RTTN: variants seen among roughly 807,000 people sequenced by gnomAD.
The protein encoded by RTTN is rotatin.
A neutral mutation model predicts 269.2 loss-of-function variants in RTTN; 182 were observed. That is an observed-to-expected ratio of 0.68 (90% CI 0.60 to 0.76). RTTN has a LOEUF of 0.76. RTTN is among the 30% of genes least tolerant of loss of function. The probability of loss-of-function intolerance (pLI) is 0.00; values close to 1 mark genes in which losing one functional copy is unlikely to be tolerated. For synonymous variants in RTTN, 1,006 were observed against 963.5 expected (o/e 1.04, Z -0.82); for missense variants, 2,545 against 2,608.6 (o/e 0.98, Z 0.53).
chr18:70,024,360 T>C (rs1326897233), intron 44 of RTTN, among the ~76,000 whole-genome samples: 2 of 152,202 alleles, frequency 1.3e-5, no homozygotes, highest in African/African-American at 4.8e-5. Flanking sequence ...ACTTTCAACA[T>C]GCCAGTCTCC....
intron 45 of RTTN, 38 bp from the exon 46 acceptor site, chr18:70,017,712 C>A (rs1568245276): frequency 1.3e-6 from 2 of 1,539,772 alleles, no homozygotes; most frequent in South Asian, 1.3e-5. Context: ...TTCTTCTCAT[C>A]TTTTTCATTA....
chr18:70,086,851 G>T (rs1568355006), intron 31 of RTTN, among the ~76,000 whole-genome samples, 167 bp from the exon 32 acceptor site: 1 of 151,710 alleles, frequency 6.6e-6, no homozygotes, highest in Non-Finnish European at 1.5e-5. Context: ...TTGTCAAACT[G>T]TATTTCTTGT....
chr18:70,176,227 GTA>G (rs1210008851), intron 11 of RTTN, among the ~76,000 whole-genome samples: 3 of 151,208 alleles, frequency 2.0e-5, no homozygotes, highest in East Asian at 3.9e-4. Flanking sequence ...ATATGTATAT[GTA>G]TATGTATATG....
intron 31 of RTTN, among the ~76,000 whole-genome samples, chr18:70,086,908 A>T (rs2058717001): frequency 6.6e-6 from 1 of 152,202 alleles, no homozygotes; most frequent in Non-Finnish European, 1.5e-5. Flanking sequence ...TAATGACCTA[A>T]CAGCATATGA....
At position 70,020,821 on chromosome 18, in the gene RTTN, C is replaced by G; in HGVS notation, c.5951-4G>C. 6.2e-7 allele frequency: 1 copy of G among 1,606,074 alleles called. No homozygotes were observed. Among genetic ancestry groups the G allele is most frequent in the Non-Finnish European group, 8.5e-7 (1 of 1,175,928 alleles). On this transcript the variant is annotated splice_region_variant and splice_polypyrimidine_tract_variant and intron_variant, in intron 44 of 48. Transcript: ENST00000640769. ...GACCAACAAAGAGAACTGCAACCTTCAAAAATAACAGCCTATCACAATGTC... is the reference window on the plus strand; with the variant it reads ...GACCAACAAAGAGAACTGCAACCTTGAAAAATAACAGCCTATCACAATGTC...
chr18:70,147,766 T>A (rs933658082), intron 17 of RTTN, among the ~76,000 whole-genome samples: 3 of 152,102 alleles, frequency 2.0e-5, no homozygotes, highest in East Asian at 3.9e-4. Flanking sequence ...CCTGGGGGTG[T>A]CCTGCCTTAG....
chr18:70,071,959 T>C (rs1188535676), intron 34 of RTTN, among the ~76,000 whole-genome samples: 5 of 152,174 alleles, frequency 3.3e-5, no homozygotes, highest in African/African-American at 1.2e-4. Flanking sequence ...TTAATAAGAT[T>C]TACATCCACT....
chr18:70,192,647 G>A (rs2061699814), intron 8 of RTTN, among the ~76,000 whole-genome samples: 1 of 145,884 alleles, frequency 6.9e-6, no homozygotes, highest in South Asian at 2.2e-4. Context: ...TCCAGCCTAG[G>A]CAAGAGAGTG....
At chr18:70,114,995 G>A (rs892684219) in intron 26 of RTTN, among the ~76,000 whole-genome samples, 11 of 151,730 alleles carry the variant, frequency 7.2e-5, no homozygotes, top group Admixed American at 2.6e-4. Flanking sequence ...CCTACTTCCC[G>A]TTATTAACAA....
intron 28 of RTTN, 36 bp from the exon 29 acceptor site, chr18:70,092,840 T>C (rs753829710): frequency 1.9e-6 from 3 of 1,577,554 alleles, no homozygotes; most frequent in Non-Finnish European, 1.7e-6. Flanking sequence ...ATGGTGGCTT[T>C]ATTCTCAATG....
At chr18:70,067,163 ATTT>A (rs71178843) in intron 34 of RTTN, among the ~76,000 whole-genome samples, 2 of 144,820 alleles carry the variant, frequency 1.4e-5, no homozygotes, top group Non-Finnish European at 3.0e-5. Context: ...AAGCTTGTTT[ATTT>A]TTTTTTTTTT....
chr18:70,160,016 T>C (rs1210381359), intron 14 of RTTN, among the ~76,000 whole-genome samples: 1 of 152,090 alleles, frequency 6.6e-6, no homozygotes, highest in Non-Finnish European at 1.5e-5. Context: ...TAAAAAGAAC[T>C]GTTACCAATC....
intron 28 of RTTN, among the ~76,000 whole-genome samples, chr18:70,093,321 T>C (rs1196734544): frequency 1.3e-5 from 2 of 152,154 alleles, no homozygotes; most frequent in African/African-American, 4.8e-5. Flanking sequence ...AGAATATGCT[T>C]ATAATATTTT....
intron 2 of RTTN, 53 bp from the exon 3 acceptor site, chr18:70,204,316 C>A (rs2062025031): frequency 2.7e-6 from 4 of 1,471,232 alleles, no homozygotes. Flanking sequence ...ATCTCTATAA[C>A]TTACAGCAAT....
intron 10 of RTTN, among the ~76,000 whole-genome samples, chr18:70,186,673 T>C (rs921080159): frequency 2.0e-5 from 3 of 152,184 alleles, no homozygotes; most frequent in Admixed American, 6.5e-5. Flanking sequence ...TACACACCAA[T>C]GAATACTATG....
intron 23 of RTTN, chr18:70,130,840 C>T (rs2059980255): frequency 6.6e-6 from 1 of 151,748 alleles, no homozygotes; most frequent in African/African-American, 2.4e-5. Flanking sequence ...TAATGGACAT[C>T]CTAATTACTC....
In RTTN at chr18:70,118,760, G is replaced by A. The variant is rs150522043; in HGVS notation, c.3528+2796C>T. Among the ~76,000 whole-genome samples the A allele has an allele frequency of 7.0e-3, 1,067 of 152,212 alleles. 9 individuals are homozygous for A. Among genetic ancestry groups the A allele is most frequent in the African/African-American group, 0.024 (1,003 of 41,536 alleles). On this transcript the variant is annotated intron_variant, in intron 26 of 48. Transcript: ENST00000640769. ...CTATAATCAAGTGGAATTCATTCCA[G>A]GGATGCAAGGATGGTTCAACATACA...
intron 46 of RTTN, chr18:70,008,323 T>G (rs2056260178): frequency 6.6e-6 from 1 of 151,578 alleles, no homozygotes; most frequent in African/African-American, 2.4e-5. Flanking sequence ...AGGATGAAAA[T>G]TCCCAAAACC....
At position 70,127,709 on chromosome 18, in the gene RTTN, T is replaced by A. The variant is rs769739859; in HGVS notation, c.3176A>T (p.Asp1059Val). 6.2e-7 allele frequency: 1 copy of A among 1,611,396 alleles called. No homozygotes were observed. Among genetic ancestry groups the A allele is most frequent in the African/African-American group, 1.3e-5 (1 of 74,906 alleles). The part of the protein sequence containing the change: ...ILDALKLSTE[D>V]ILTLKITHMA... Reference sequence around the variant, plus strand: ...GTGTGTTATCTTCAGAGTGAGGATGTCCTCTGTAGATAACTTCAATGCATC... The same window carrying A: ...GTGTGTTATCTTCAGAGTGAGGATGACCTCTGTAGATAACTTCAATGCATC... Residue 1059 changes from aspartate to valine, a missense_variant, in exon 25 of 49, where the codon GAC becomes GTC. By Grantham distance (152) the Asp-to-Val change is radical (BLOSUM62 -3). Transcript: ENST00000640769.
Sources: gnomAD v4.1 joint callset for allele counts (sites outside exome capture counted in the v4.1 genomes callset) on GRCh38, gnomAD v4.1.1 for gene constraint, MANE v1.5 for transcripts, NCBI Gene and HGNC (gene_info 2026-07-23, HGNC 2026-07-21) for gene names.